Variants in LRRK1 observed in about 807,000 individuals in gnomAD.
LRRK1 encodes the protein leucine-rich repeat serine/threonine-protein kinase 1.
A neutral mutation model predicts 209.1 loss-of-function variants in LRRK1; 113 were observed. The observed-to-expected ratio is 0.54, with a 90% CI of 0.46 to 0.63. LRRK1 has a LOEUF of 0.63. Ranked by LOEUF, LRRK1 falls within the 30% of genes least tolerant of loss-of-function variation. The pLI, the probability that LRRK1 is intolerant of heterozygous loss-of-function variation, is 0.00. For missense variants in LRRK1, 2,284 were observed against 2,632.2 expected, an observed-to-expected ratio of 0.87 and a Z score of 2.89; for synonymous variants, 1,144 against 1,099.7, an observed-to-expected ratio of 1.04 and a Z score of -0.80.
rs1206245367 is a variant in LRRK1 at position 101,066,115 on chromosome 15, A to G, written c.5678A>G (p.His1893Arg). Residue 1893 changes from histidine (H) to arginine (R), a missense_variant, in exon 32 of 34, where the codon CAT becomes CGT. His to Arg is a conservative substitution (Grantham distance 29, BLOSUM62 0). Around this residue, in one of 6 missense-constraint regions of LRRK1, gnomAD observed 643 missense variants for 695.9 expected, o/e 0.92. Coordinates refer to ENST00000388948, the MANE Select transcript of LRRK1 (RefSeq NM_024652.6). Reference sequence around the variant, plus strand: ...GGTGCTGCCTCCGACAGGTCTGAGCATGACCTGACCCCCATGGACGGGGAG... The same window carrying G: ...GGTGCTGCCTCCGACAGGTCTGAGCGTGACCTGACCCCCATGGACGGGGAG... The part of the protein sequence containing the change: ...TPGAASDRSE[H>R]DLTPMDGETF... 3 of 1,614,124 alleles carry G rather than the reference A, an allele frequency of 1.9e-6. No homozygotes were observed. The highest frequency in any genetic ancestry group is 2.5e-6 in the Non-Finnish European group (3 of 1,180,020).
chr15:101,059,422 AAC>A (rs1170342745), intron 29 of LRRK1, among the ~76,000 whole-genome samples: 1 of 152,146 alleles, frequency 6.6e-6, no homozygotes, highest in Non-Finnish European at 1.5e-5. Flanking sequence ...GTTATTCCAA[AAC>A]ACAGCGATGG....
chr15:101,034,540 C>A (rs2034420913), intron 20 of LRRK1, among the ~76,000 whole-genome samples: 1 of 152,008 alleles, frequency 6.6e-6, no homozygotes, highest in East Asian at 1.9e-4. Context: ...TTCTTAGCAC[C>A]TTTGTTGAGA....
chr15:101,023,039 T>G (rs559818408), intron 15 of LRRK1, among the ~76,000 whole-genome samples: 1 of 152,128 alleles, frequency 6.6e-6, no homozygotes, highest in Non-Finnish European at 1.5e-5. Context: ...ACCCCAAGGA[T>G]TCAAGTTCAA....
At chr15:100,971,497 C>T (rs951801327) in intron 2 of LRRK1, among the ~76,000 whole-genome samples, 1 of 152,106 alleles carries the variant, frequency 6.6e-6, no homozygotes, top group Non-Finnish European at 1.5e-5. Flanking sequence ...CTACTGGCTG[C>T]GTGAACTTGG....
At chr15:101,015,423 G>A (rs371578751) in intron 12 of LRRK1, 21 bp downstream of exon 12, 52 of 1,593,036 alleles carry the variant, frequency 3.3e-5, no homozygotes, top group African/African-American at 9.4e-5. Context: ...GTTGGGAGAC[G>A]GTGTTCCCAG....
At position 101,033,690 on chromosome 15, in the gene LRRK1, C is replaced by T. The variant is rs180913490; in HGVS notation, c.2963+4458C>T. Among the ~76,000 whole-genome samples, 293 of 152,234 alleles carry T rather than the reference C, an allele frequency of 1.9e-3. 2 individuals are homozygous for T. The highest frequency in any genetic ancestry group is 3.3e-3 in the Non-Finnish European group (224 of 68,002). ...CATTGATGGACACTTAGGTTGGTTC[C>T]TTATCTTTGCTATTTTGAATAGTGC... is the stretch of plus-strand genomic sequence containing the variant. On this transcript the variant is annotated intron_variant, in intron 20 of 33. Transcript: ENST00000388948.
rs771835416 is a variant in LRRK1, at chr15:101,053,428, G to A, written c.4054+8G>A. 24 of 1,568,844 alleles carry A rather than the reference G, an allele frequency of 1.5e-5. No individual in the cohort carries two copies. Among genetic ancestry groups the A allele is most frequent in the East Asian group, 7.0e-5 (3 of 42,566 alleles). Reference sequence around the variant, plus strand: ...TGTCCGAGAACGCCAGAGGTACCGCGGCGCGCCGCCCCACCCGGCCCCGGA... The same window carrying A: ...TGTCCGAGAACGCCAGAGGTACCGCAGCGCGCCGCCCCACCCGGCCCCGGA... On this transcript the variant is annotated splice_region_variant and intron_variant, in intron 26 of 33. Coordinates refer to ENST00000388948, the MANE Select transcript of LRRK1 (RefSeq NM_024652.6).
chr15:101,049,744 A>G lies in LRRK1; in HGVS notation c.3400A>G (p.Thr1134Ala), dbSNP rs765327562. Reference sequence around the variant, plus strand: ...GGACTTCTCAGCCATGGCTTTCATCACGGACCACGTCAATTCCTTGATTGA... The same window carrying G: ...GGACTTCTCAGCCATGGCTTTCATCGCGGACCACGTCAATTCCTTGATTGA... ...VRDFSAMAFITDHVNSLIDQW... is the reference protein window; with the variant it reads ...VRDFSAMAFIADHVNSLIDQW... The change falls in exon 23 of 34, where the codon ACG (threonine) becomes GCG (alanine). Residue 1134 changes from threonine (T) to alanine (A), a missense_variant. By Grantham distance (58) the Thr-to-Ala change is moderately conservative. Coordinates refer to ENST00000388948, the MANE Select transcript of LRRK1 (RefSeq NM_024652.6). The G allele has an allele frequency of 6.2e-7, 1 of 1,614,080 alleles. No homozygotes were observed. The highest frequency in any genetic ancestry group is 1.1e-5 in the South Asian group (1 of 91,074).
At chr15:101,005,229 C>G (rs1272794931) in intron 6 of LRRK1, among the ~76,000 whole-genome samples, 1 of 152,108 alleles carries the variant, frequency 6.6e-6, no homozygotes, top group Non-Finnish European at 1.5e-5. Flanking sequence ...TTGCAAAGTC[C>G]ACATGGTGAC....
chr15:100,950,268 T>G (rs2042619725), intron 2 of LRRK1, among the ~76,000 whole-genome samples: 2 of 152,264 alleles, frequency 1.3e-5, no homozygotes, highest in Non-Finnish European at 2.9e-5. Context: ...ATAAAAAATT[T>G]GGGAATAAAT....
chr15:101,020,360 G>A (rs970017098), intron 12 of LRRK1, among the ~76,000 whole-genome samples: 16 of 149,260 alleles, frequency 1.1e-4, no homozygotes, highest in Non-Finnish European at 2.1e-4. Context: ...CTAGATATCC[G>A]GTTCTGAACT....
chr15:101,057,792 G>A (rs11247258), intron 28 of LRRK1, among the ~76,000 whole-genome samples, 198 bp from the exon 29 acceptor site: 1,591 of 152,326 alleles, frequency 0.01, 26 homozygotes, highest in African/African-American at 0.031. Flanking sequence ...TTAAATTGCC[G>A]TAGCCAAAGG....
At chr15:101,029,998 C>T (rs185856218) in intron 20 of LRRK1, among the ~76,000 whole-genome samples, 32 of 152,270 alleles carry the variant, frequency 2.1e-4, no homozygotes, top group African/African-American at 6.3e-4. Flanking sequence ...GTGGATGGTC[C>T]GAGGGTCAAA....
chr15:100,941,031 G>A (rs2042390649), intron 2 of LRRK1, among the ~76,000 whole-genome samples: 1 of 152,222 alleles, frequency 6.6e-6, no homozygotes, highest in African/African-American at 2.4e-5. Context: ...ATATGACACA[G>A]CTTCTCCCCT....
At chr15:100,922,509 C>T (rs980138191) in intron 1 of LRRK1, among the ~76,000 whole-genome samples, 4 of 151,770 alleles carry the variant, frequency 2.6e-5, no homozygotes, top group Non-Finnish European at 5.9e-5. Context: ...GAATGTCTAG[C>T]GTTTGGATTT....
chr15:101,042,934 G>A (rs1040754737), intron 20 of LRRK1, among the ~76,000 whole-genome samples: 1 of 152,298 alleles, frequency 6.6e-6, no homozygotes, highest in Middle Eastern at 3.4e-3. Flanking sequence ...GGACCCCTAC[G>A]AGGGCCAGGC....
intron 2 of LRRK1, among the ~76,000 whole-genome samples, chr15:100,950,338 T>C (rs576400651): frequency 6.6e-6 from 1 of 152,286 alleles, no homozygotes; most frequent in South Asian, 2.1e-4. Flanking sequence ...GGAAAGAAGT[T>C]AAAAAGAACC....
chr15:100,947,233 A>G (rs1210047944), intron 2 of LRRK1, among the ~76,000 whole-genome samples: 1 of 152,220 alleles, frequency 6.6e-6, no homozygotes, highest in Non-Finnish European at 1.5e-5. Context: ...CTGGGATTAC[A>G]GGTGTGAGCC....
intron 20 of LRRK1, among the ~76,000 whole-genome samples, chr15:101,033,751 A>G (rs1366257328): frequency 6.6e-6 from 1 of 151,982 alleles, no homozygotes; most frequent in African/African-American, 2.4e-5. Context: ...TCCCTTTAAT[A>G]CCTGGGTTCT....
Sources: allele counts gnomAD v4.1 joint callset (sites outside exome capture counted in the v4.1 genomes callset), GRCh38; gene constraint gnomAD v4.1.1; regional missense constraint gnomAD v4.1.1; transcripts MANE v1.5; gene names NCBI Gene and HGNC (gene_info 2026-07-23, HGNC 2026-07-21).